Variants in PPM1B observed in about 807,000 individuals in gnomAD.
PPM1B encodes protein phosphatase, Mg2+/Mn2+ dependent 1B.
PPM1B carries 22 observed loss-of-function variants against 43.0 expected under a neutral mutation model. That is an observed-to-expected ratio of 0.51 (90% CI 0.37 to 0.73). PPM1B has a LOEUF of 0.73. Among genes scored for constraint, PPM1B ranks in the 30% least tolerant of loss-of-function variants. PPM1B has a pLI of 0.00. For synonymous variants in PPM1B, 217 were observed against 197.9 expected, an observed-to-expected ratio of 1.10 and a Z score of -0.81; for missense variants, 632 against 584.2, an observed-to-expected ratio of 1.08 and a Z score of -0.84.
Position 44,230,552 on chromosome 2 carries a change from G to A in PPM1B, c.1274G>A (p.Gly425Glu), listed in dbSNP as rs1670424308. Reference protein sequence around the residue: ...LTSYRLAKVEGEESPAEPAAT... With the variant: ...LTSYRLAKVEEEESPAEPAAT... ...AGTTACAGGCTAGCTAAAGTAGAGG[G>A]AGAAGAAAGCCCTGCTGAACCAGCT... Residue 425 changes from glycine (G) to glutamate (E), a missense_variant, in exon 6 of 6, where the codon GGA (glycine) becomes GAA (glutamate). Gly to Glu is a moderately conservative substitution (Grantham distance 98). Transcript: ENST00000282412. The A allele has an allele frequency of 1.9e-6, 3 of 1,614,018 alleles. No homozygotes were observed. In the South Asian group the frequency reaches 3.3e-5, roughly 18 times the overall value.
intron 3 of PPM1B, among the ~76,000 whole-genome samples, chr2:44,216,407 A>T (rs1458288349): frequency 6.6e-6 from 1 of 152,144 alleles, no homozygotes; most frequent in African/African-American, 2.4e-5. Context: ...TGATGTTGAG[A>T]AGCCTTATAC....
intron 2 of PPM1B, among the ~76,000 whole-genome samples, chr2:44,203,441 C>G (rs1018412462): frequency 6.6e-6 from 1 of 150,704 alleles, no homozygotes; most frequent in African/African-American, 2.4e-5. Context: ...TGTTGCCTGA[C>G]TAGCTAATGA....
intron 1 of PPM1B, among the ~76,000 whole-genome samples, chr2:44,197,074 G>A (rs1201609658): frequency 1.3e-5 from 2 of 152,124 alleles, no homozygotes; most frequent in Admixed American, 6.6e-5. Flanking sequence ...TGCAAAGGTA[G>A]TACAGAGTCT....
chr2:44,241,751 A>G lies in PPM1B; in HGVS notation n.1547-2477A>G, dbSNP rs116968218. Among the ~76,000 whole-genome samples the G allele has an allele frequency of 9.2e-5, 14 of 152,130 alleles. No homozygotes were observed. The East Asian group carries it at 2.3e-3, about 25-fold the overall frequency. The stretch of plus-strand genomic sequence containing the variant: ...TGTCTCAAAACATAAAATGTCTTCA[A>G]AATGATTATATTATGATTTGGCATA... On this transcript the variant is annotated intron_variant and non_coding_transcript_variant, in intron 5 of 5. Transcript: ENST00000378540.
chr2:44,230,363 T>C (rs375973434), intron 5 of PPM1B, 50 bp from the exon 6 acceptor site: 9 of 1,589,742 alleles, frequency 5.7e-6, no homozygotes, highest in African/African-American at 1.4e-5. Context: ...GAAATACATG[T>C]GATATCCTAG....
At chr2:44,233,188 A>T (rs181138471), downstream of PPM1B, 113 of 937,412 alleles carry the variant, frequency 1.2e-4, 2 homozygotes, top group East Asian at 5.0e-3. Context: ...CTTTTAAGAT[A>T]CGAGTTTTGT....
intron 1 of PPM1B, among the ~76,000 whole-genome samples, chr2:44,188,035 A>C (rs927755998): frequency 6.6e-6 from 1 of 152,056 alleles, no homozygotes; most frequent in African/African-American, 2.4e-5. Flanking sequence ...CAGGCGTGAG[A>C]CACCGCACCC....
At chr2:44,191,122 T>C (rs990412908) in intron 1 of PPM1B, among the ~76,000 whole-genome samples, 1 of 152,224 alleles carries the variant, frequency 6.6e-6, no homozygotes, top group South Asian at 2.1e-4. Context: ...CTTAGTAGTT[T>C]TAGTGTTTAT....
intron 3 of PPM1B, among the ~76,000 whole-genome samples, chr2:44,211,827 G>T (rs192744666): frequency 1.4e-5 from 2 of 141,756 alleles, no homozygotes; most frequent in East Asian, 4.5e-4. Flanking sequence ...TTGGCTTACC[G>T]CAGTCTCTGC....
At chr2:44,226,929 A>G (rs1392396540) in intron 5 of PPM1B, among the ~76,000 whole-genome samples, 4 of 103,538 alleles carry the variant, frequency 3.9e-5, no homozygotes, top group East Asian at 3.0e-4. Flanking sequence ...AAAATGGGAA[A>G]CTTTTTATTT....
At chr2:44,203,978 T>C (rs1669057125) in intron 2 of PPM1B, among the ~76,000 whole-genome samples, 1 of 152,166 alleles carries the variant, frequency 6.6e-6, no homozygotes, top group Non-Finnish European at 1.5e-5. Context: ...TAAATGTTCA[T>C]GTTGATGGTG....
intron 1 of PPM1B, among the ~76,000 whole-genome samples, chr2:44,200,397 G>A (rs1668878970): frequency 2.0e-5 from 3 of 152,126 alleles, no homozygotes; most frequent in Non-Finnish European, 4.4e-5. Flanking sequence ...GCGGGGAGAG[G>A]GTGATGCATA....
Position 44,201,105 on chromosome 2 carries a change from A to T in PPM1B, c.-14-81A>T. 7.4e-7 allele frequency: 1 copy of T among 1,357,030 alleles called. No homozygotes were observed. Among genetic ancestry groups the T allele is most frequent in the Non-Finnish European group, 1.0e-6 (1 of 1,003,466 alleles). 84.1% of individuals were successfully genotyped at this position (1,357,030 alleles called of 1,614,324 possible). ...TACTAAAAAAAATACTTGAGGTAGG[A>T]GTTACTAGACTATAGAGGGAATATT... On this transcript the variant is annotated intron_variant, in intron 1 of 5. Coordinates refer to ENST00000282412, the MANE Select transcript of PPM1B (RefSeq NM_002706.6). The surrounding 1 kb of genome is among the most constrained non-coding windows in gnomAD (Gnocchi z 5.4).
Position 44,230,486 on chromosome 2 carries a change from A to T in PPM1B, c.1208A>T (p.His403Leu). The change falls in exon 6 of 6, where the codon CAT (histidine) becomes CTT (leucine). Residue 403 changes from histidine to leucine, a missense_variant. By Grantham distance (99) the His-to-Leu change is moderately conservative. Coordinates refer to ENST00000282412, the MANE Select transcript of PPM1B (RefSeq NM_002706.6). Reference sequence around the variant, plus strand: ...GCTCTCAGGCAAATGAGAATTAATCATAGGGGAAACTACCGACAACTTCTG... The same window carrying T: ...GCTCTCAGGCAAATGAGAATTAATCTTAGGGGAAACTACCGACAACTTCTG... ...VEALRQMRIN[H>L]RGNYRQLLEE... The T allele has an allele frequency of 6.2e-7, 1 of 1,614,190 alleles. No individual in the cohort carries two copies. The highest frequency in any genetic ancestry group is 8.5e-7 in the Non-Finnish European group (1 of 1,180,020).
chr2:44,225,802 A>G (rs1275836168), intron 5 of PPM1B, among the ~76,000 whole-genome samples: 1 of 151,438 alleles, frequency 6.6e-6, no homozygotes, highest in Non-Finnish European at 1.5e-5. Flanking sequence ...GACTACAGGC[A>G]TGCACCACCA....
At chr2:44,173,846 T>C (rs1305384175) in intron 1 of PPM1B, among the ~76,000 whole-genome samples, 1 of 152,076 alleles carries the variant, frequency 6.6e-6, no homozygotes, top group Non-Finnish European at 1.5e-5. Flanking sequence ...CCGGAGGCTG[T>C]GGTGGAGAAT....
At chr2:44,223,605 C>T (rs1346015983) in intron 5 of PPM1B, among the ~76,000 whole-genome samples, 1 of 151,170 alleles carries the variant, frequency 6.6e-6, no homozygotes, top group Non-Finnish European at 1.5e-5. Flanking sequence ...GTCAGGAGAT[C>T]AAGACCATCC....
chr2:44,218,923 G>C (rs1198901077), intron 5 of PPM1B: 1 of 458,538 alleles, frequency 2.2e-6, no homozygotes. Flanking sequence ...GATAGTGAGT[G>C]AGTTGTTATT....
intron 1 of PPM1B, among the ~76,000 whole-genome samples, chr2:44,181,461 A>G (rs1251164562): frequency 2.0e-5 from 3 of 152,182 alleles, no homozygotes; most frequent in South Asian, 2.1e-4. Context: ...GCTCATGATA[A>G]TCTGTAGGTG....
Sources: gnomAD v4.1 joint callset for allele counts (sites outside exome capture counted in the v4.1 genomes callset) on GRCh38, gnomAD v4.1.1 for gene constraint, Gnocchi (gnomAD v3.1) non-coding constraint, MANE v1.5 for transcripts, NCBI Gene and HGNC (gene_info 2026-07-23, HGNC 2026-07-21) for gene names.